TENM2: variants seen among roughly 807,000 people sequenced by gnomAD.
TENM2 encodes the protein teneurin-2.
In TENM2, 52 loss-of-function variants were observed where a neutral mutation model predicts 245.2. The ratio of observed to expected loss-of-function variants is 0.21; its 90% CI spans 0.17 to 0.27. The LOEUF is 0.27. Ranked by LOEUF, TENM2 falls within the 10% of genes least tolerant of loss-of-function variation. TENM2 has a pLI of 1.00. For missense variants in TENM2, 3,046 were observed against 3,666.8 expected, an observed-to-expected ratio of 0.83 and a Z score of 4.37; for synonymous variants, 1,363 against 1,438.9, an observed-to-expected ratio of 0.95 and a Z score of 1.19.
Position 167,663,139 on chromosome 5 carries a change from GGGGAGA to G in TENM2, c.503-212845_503-212840del, listed in dbSNP as rs1457175135. Among the ~76,000 whole-genome samples the G allele has an allele frequency of 2.3e-4, 27 of 119,524 alleles. No individual in the cohort carries two copies. In the East Asian group the frequency reaches 6.4e-3, roughly 28 times the overall value. 78.4% of individuals were successfully genotyped at this position (119,524 alleles called of 152,430 possible). A position where few individuals can be genotyped will look rare whatever the true frequency, so the allele number is the denominator to read the frequency against. Reference sequence around the variant, plus strand: ...ATAGAGAGACAGAGAGAATGGGGATGGGGAGAGAGAGAGAGAGAGAGAGAGAGAGAG... The same window carrying G: ...ATAGAGAGACAGAGAGAATGGGGATGGAGAGAGAGAGAGAGAGAGAGAGAG... On this transcript the variant is annotated intron_variant, in intron 2 of 28. Coordinates refer to ENST00000518659, the Ensembl canonical transcript of TENM2.
intron 5 of TENM2, among the ~76,000 whole-genome samples, chr5:168,020,065 T>C (rs879737763): frequency 6.6e-6 from 1 of 152,194 alleles, no homozygotes; most frequent in Non-Finnish European, 1.5e-5. Context: ...GGCTTCAGAA[T>C]TGTGCTTAGA....
chr5:168,256,248 A>G (rs1427219775), intron 27 of TENM2, among the ~76,000 whole-genome samples: 1 of 151,648 alleles, frequency 6.6e-6, no homozygotes, highest in Non-Finnish European at 1.5e-5. Context: ...ATATATGTAT[A>G]TATATTTTTA....
At chr5:168,017,986 G>A (rs192136625) in intron 5 of TENM2, among the ~76,000 whole-genome samples, 95 of 152,026 alleles carry the variant, frequency 6.2e-4, no homozygotes, top group African/African-American at 8.4e-4. Flanking sequence ...TCTACACCTC[G>A]TACTTTCCGG....
At chr5:167,110,112 G>A in the TENM2 span, among the ~76,000 whole-genome samples, 1 of 152,126 alleles carries the variant, frequency 6.6e-6, no homozygotes. Flanking sequence ...GGGTGGGGAG[G>A]CCGAGGGCTC....
At chr5:167,556,469 C>T (rs1327252270) in intron 2 of TENM2, among the ~76,000 whole-genome samples, 7 of 150,144 alleles carry the variant, frequency 4.7e-5, no homozygotes, top group African/African-American at 1.7e-4. Flanking sequence ...TCAGCGTGTA[C>T]GTTTGCTTAT....
intron 2 of TENM2, among the ~76,000 whole-genome samples, chr5:167,517,818 A>C (rs959648162): frequency 3.3e-5 from 5 of 152,054 alleles, no homozygotes; most frequent in Non-Finnish European, 7.4e-5. Context: ...GTGTCCCCCA[A>C]ATAGAGAATT....
Position 167,909,239 on chromosome 5 carries a change from G to A in TENM2, c.712+33044G>A, listed in dbSNP as rs923850430. Among the ~76,000 whole-genome samples the A allele has an allele frequency of 6.6e-4, 100 of 152,200 alleles. 1 individual carries two copies. Among genetic ancestry groups the A allele is most frequent in the African/African-American group, 2.3e-3 (97 of 41,546 alleles). On this transcript the variant is annotated intron_variant, in intron 3 of 28. Coordinates refer to ENST00000518659, the Ensembl canonical transcript of TENM2. ...GTTTTTTACTTTCTCCTGTGTCCGA[G>A]TTTACAGTTGGACTTTTGTAAGGGA...
the TENM2 span, among the ~76,000 whole-genome samples, chr5:167,009,333 T>C: frequency 6.6e-6 from 1 of 152,192 alleles, no homozygotes; most frequent in Non-Finnish European, 1.5e-5. Context: ...TTTTGTTTCC[T>C]TTTTGATACA....
rs145160538 is a variant in TENM2 at position 167,512,447 on chromosome 5, A to C, written c.502+136974A>C. On this transcript the variant is annotated intron_variant, in intron 2 of 28. Coordinates refer to ENST00000518659, the Ensembl canonical transcript of TENM2. ...ATGCTAAGGTGCATGACAGTGCATAATAAAACGTAATTTTCATTTTACATT... is the reference window on the plus strand; with the variant it reads ...ATGCTAAGGTGCATGACAGTGCATACTAAAACGTAATTTTCATTTTACATT... Among the ~76,000 whole-genome samples the C allele has an allele frequency of 1.6e-3, 244 of 152,312 alleles. 1 individual carries two copies. The highest frequency in any genetic ancestry group is 5.7e-3 in the African/African-American group (238 of 41,578).
the TENM2 span, among the ~76,000 whole-genome samples, chr5:167,150,791 A>C: frequency 3.9e-5 from 6 of 152,334 alleles, no homozygotes; most frequent in Admixed American, 2.0e-4. Context: ...CCTGGATAAC[A>C]CAAAAGCTCA....
rs34421510 is a variant in TENM2, at chr5:167,502,012, CA to C, written c.502+126550del. ...ACTTGGAAGTAAAAATGAAAAATAA[CA>C]AAAAAAAAAAGGTACTAGGTCATGT... is the stretch of plus-strand genomic sequence containing the variant. On this transcript the variant is annotated intron_variant, in intron 2 of 28. Coordinates refer to ENST00000518659, the Ensembl canonical transcript of TENM2. 7.1e-3 allele frequency among the ~76,000 whole-genome samples: 1,014 copies of C among 142,322 alleles called. 5 individuals are homozygous for C. The highest frequency in any genetic ancestry group is 0.025 in the Middle Eastern group (7 of 280). The allele number at this position is 142,322 out of a possible 152,430, so 93.4% of individuals were successfully genotyped here.
At chr5:168,227,977 C>T in exon 25 of TENM2, 1 of 1,613,780 alleles carries the variant, frequency 6.2e-7, no homozygotes, top group Non-Finnish European at 8.5e-7. Flanking sequence ...TCAGCTTCCA[C>T]AGCGAGCCCC....
intron 2 of TENM2, among the ~76,000 whole-genome samples, chr5:167,790,684 A>T (rs1224461727): frequency 6.6e-6 from 1 of 152,138 alleles, no homozygotes; most frequent in Non-Finnish European, 1.5e-5. Flanking sequence ...AGCAACATAG[A>T]TTCCAACAGA....
At chr5:167,070,976 A>G in the TENM2 span, among the ~76,000 whole-genome samples, 9 of 152,272 alleles carry the variant, frequency 5.9e-5, no homozygotes, top group African/African-American at 2.2e-4. Flanking sequence ...TTTCGACTAA[A>G]TTGGTGATCT....
chr5:167,490,239 C>A (rs1768340245), intron 2 of TENM2, among the ~76,000 whole-genome samples: 1 of 152,088 alleles, frequency 6.6e-6, no homozygotes, highest in African/African-American at 2.4e-5. Flanking sequence ...TTGATCCACA[C>A]AATGCATATA....
chr5:168,138,122 G>A (rs971575457), intron 12 of TENM2, among the ~76,000 whole-genome samples: 4 of 152,142 alleles, frequency 2.6e-5, no homozygotes, highest in African/African-American at 7.2e-5. Context: ...CAAGTTTGAG[G>A]CAGTTTGGGG....
intron 2 of TENM2, among the ~76,000 whole-genome samples, chr5:167,589,944 C>A (rs536208825): frequency 6.6e-6 from 1 of 151,550 alleles, no homozygotes; most frequent in South Asian, 2.1e-4. Flanking sequence ...GAAATGCTAC[C>A]GTGAAAAGGT....
intron 5 of TENM2, among the ~76,000 whole-genome samples, chr5:168,034,565 C>G (rs1272239800): frequency 1.3e-5 from 2 of 151,270 alleles, no homozygotes; most frequent in Non-Finnish European, 2.9e-5. Flanking sequence ...ACCCCCCACC[C>G]CCCGCCATCT....
chr5:167,696,917 C>A (rs570447467), intron 2 of TENM2, among the ~76,000 whole-genome samples: 2 of 152,168 alleles, frequency 1.3e-5, no homozygotes, highest in Non-Finnish European at 2.9e-5. Context: ...TGCTTAAAAA[C>A]CTCAAGAAGC....
Sources: allele counts gnomAD v4.1 joint callset (sites outside exome capture counted in the v4.1 genomes callset), GRCh38; gene constraint gnomAD v4.1.1; transcripts MANE v1.5; gene names NCBI Gene and HGNC (gene_info 2026-07-23, HGNC 2026-07-21).